PIBF1: variants seen among roughly 807,000 people sequenced by gnomAD.
PIBF1 encodes progesterone-induced-blocking factor 1.
A neutral mutation model predicts 112.5 loss-of-function variants in PIBF1; 90 were observed. The observed-to-expected ratio is 0.80, with a 90% CI of 0.67 to 0.95. PIBF1 has a LOEUF of 0.95. Ranked by LOEUF, PIBF1 falls within the 40% of genes least tolerant of loss-of-function variation. The pLI is 0.00. For missense variants in PIBF1, 915 were observed against 852.3 expected (o/e 1.07, Z -0.92); for synonymous variants, 301 against 288.6 (o/e 1.04, Z -0.44).
chr13:72,921,361 C>A (rs991553245), intron 13 of PIBF1, among the ~76,000 whole-genome samples: 3 of 152,142 alleles, frequency 2.0e-5, no homozygotes, highest in Non-Finnish European at 4.4e-5. Context: ...AATCTGCCCA[C>A]CACGGCCTCC....
intron 10 of PIBF1, among the ~76,000 whole-genome samples, chr13:72,881,781 G>A (rs7339093): frequency 0.022 from 3,286 of 151,504 alleles, 132 homozygotes; most frequent in African/African-American, 0.075. Context: ...GCAAGAAATT[G>A]AGGAGAACAT....
intron 10 of PIBF1, among the ~76,000 whole-genome samples, chr13:72,868,313 G>GA (rs76699229): frequency 0.39 from 48,563 of 124,770 alleles, 7,847 homozygotes; most frequent in Middle Eastern, 0.42. Flanking sequence ...TATTAAAAAA[G>GA]AAAAAAAAAA....
chr13:72,860,979 A>C (rs958633599), intron 10 of PIBF1, among the ~76,000 whole-genome samples: 13 of 152,294 alleles, frequency 8.5e-5, no homozygotes, highest in Admixed American at 7.8e-4. Flanking sequence ...AAAAAGTAGA[A>C]ATTTTAAAAT....
chr13:72,798,098 A>G lies in PIBF1; in HGVS notation c.672+72A>G, dbSNP rs2035285301. 3.4e-6 allele frequency: 5 copies of G among 1,468,400 alleles called. No individual in the cohort carries two copies. The South Asian group carries it at 7.3e-5, about 22-fold the overall frequency. The allele number at this position is 1,468,400 out of a possible 1,614,324, so 91.0% of individuals were successfully genotyped here. On this transcript the variant is annotated intron_variant, in intron 5 of 17. Coordinates refer to ENST00000326291, the MANE Select transcript of PIBF1 (RefSeq NM_006346.4). ...TGTAGAGTCCCTCAGGATTTGTGAT[A>G]AGGCATATAAAAGTCAGTGATTGAA...
chr13:72,794,400 A>G (rs1287362095), intron 3 of PIBF1, among the ~76,000 whole-genome samples: 4 of 152,120 alleles, frequency 2.6e-5, no homozygotes, highest in Non-Finnish European at 4.4e-5. Flanking sequence ...CATTTGTTGT[A>G]AGATTGAAAT....
intron 10 of PIBF1, among the ~76,000 whole-genome samples, chr13:72,885,231 A>G (rs934929077): frequency 3.3e-5 from 5 of 152,068 alleles, no homozygotes; most frequent in African/African-American, 1.2e-4. Flanking sequence ...TGTAGTTTGG[A>G]CATACCTAAC....
At chr13:72,978,697 A>G (rs757929786) in intron 16 of PIBF1, among the ~76,000 whole-genome samples, 30 of 152,160 alleles carry the variant, frequency 2.0e-4, no homozygotes, top group Admixed American at 4.6e-4. Flanking sequence ...TGTTTCCTTC[A>G]GGTGGGTTGT....
intron 2 of PIBF1, among the ~76,000 whole-genome samples, chr13:72,786,655 T>C (rs59786042): frequency 0.014 from 2,130 of 152,276 alleles, 65 homozygotes; most frequent in African/African-American, 0.047. Flanking sequence ...GCATTAGACA[T>C]TTCTCTTCTG....
intron 17 of PIBF1, among the ~76,000 whole-genome samples, chr13:73,013,686 A>G (rs1409389810): frequency 6.7e-6 from 1 of 148,502 alleles, no homozygotes; most frequent in Non-Finnish European, 1.5e-5. Flanking sequence ...ACAGTTAGCC[A>G]TGATCATACC....
chr13:72,970,725 AT>A (rs1439145779), intron 15 of PIBF1: 1 of 152,206 alleles, frequency 6.6e-6, no homozygotes, highest in Non-Finnish European at 1.5e-5. Context: ...TTCCACTGTT[AT>A]GAAATATGTC....
chr13:72,957,955 CA>C (rs1268617695), intron 14 of PIBF1, among the ~76,000 whole-genome samples: 3 of 150,530 alleles, frequency 2.0e-5, no homozygotes, highest in East Asian at 2.0e-4. Context: ...CTATCTCGGG[CA>C]GGGGGGAAAG....
chr13:72,947,559 A>G (rs1306126102), intron 14 of PIBF1, among the ~76,000 whole-genome samples: 1 of 152,138 alleles, frequency 6.6e-6, no homozygotes, highest in Non-Finnish European at 1.5e-5. Flanking sequence ...CTTTTCTATC[A>G]TATTGGCAGG....
chr13:72,822,057 C>A, intron 6 of PIBF1, 75 bp downstream of exon 6: 1 of 1,313,404 alleles, frequency 7.6e-7, no homozygotes, highest in Non-Finnish European at 1.0e-6. Flanking sequence ...TTTTTACCAA[C>A]AATCAGTTGT....
Position 72,819,188 on chromosome 13 carries a change from A to G in PIBF1, c.673-2661A>G, listed in dbSNP as rs534811550. ...TAAATTTGTGAAGCCGTAGGGTAAGATTAGGCTGTGGCCTGTAGCAAATTG... is the reference window on the plus strand; with the variant it reads ...TAAATTTGTGAAGCCGTAGGGTAAGGTTAGGCTGTGGCCTGTAGCAAATTG... On this transcript the variant is annotated intron_variant, in intron 5 of 17. Coordinates refer to ENST00000326291, the MANE Select transcript of PIBF1 (RefSeq NM_006346.4). 2.6e-5 allele frequency among the ~76,000 whole-genome samples: 4 copies of G among 152,224 alleles called. No individual in the cohort carries two copies. The South Asian group carries it at 8.3e-4, about 32-fold the overall frequency.
chr13:72,792,168 T>G (rs545734388), intron 2 of PIBF1, among the ~76,000 whole-genome samples: 7 of 151,888 alleles, frequency 4.6e-5, no homozygotes, highest in African/African-American at 1.7e-4. Flanking sequence ...TGGTGGCACT[T>G]GGCTGTAATC....
chr13:72,863,086 A>G lies in PIBF1; in HGVS notation c.1322+8931A>G, dbSNP rs551405498. Among the ~76,000 whole-genome samples, 150 of 152,328 alleles carry G rather than the reference A, an allele frequency of 9.8e-4. 1 individual carries two copies. Among genetic ancestry groups the G allele is most frequent in the African/African-American group, 3.5e-3 (146 of 41,590 alleles). On this transcript the variant is annotated intron_variant, in intron 10 of 17. Transcript: ENST00000326291. ...AATCAATAGTTTTATGAAGAAATACATGTTTTAATATATAATTTAAAACTA... is the reference window on the plus strand; with the variant it reads ...AATCAATAGTTTTATGAAGAAATACGTGTTTTAATATATAATTTAAAACTA...
In PIBF1 at chr13:72,795,444, G is replaced by A. The variant is rs757926781; in HGVS notation, c.439G>A (p.Glu147Lys). Residue 147 changes from glutamate to lysine, a missense_variant, in exon 4 of 18, where the codon GAA becomes AAA. Glu to Lys is a moderately conservative substitution (Grantham distance 56). Coordinates refer to ENST00000326291, the MANE Select transcript of PIBF1 (RefSeq NM_006346.4). ...AGAAGAGACAAATCTTCAGCTAAGA[G>A]AAAAAGCTGGAGATGTTCGTCGAAA... ...QLEETNLQLREKAGDVRRNLR... is the reference protein window; with the variant it reads ...QLEETNLQLRKKAGDVRRNLR... The A allele has an allele frequency of 6.2e-7, 1 of 1,609,426 alleles. No individual in the cohort carries two copies. The highest frequency in any genetic ancestry group is 8.5e-7 in the Non-Finnish European group (1 of 1,177,570).
chr13:72,900,496 G>A (rs1429874312), intron 11 of PIBF1, among the ~76,000 whole-genome samples: 6 of 152,126 alleles, frequency 3.9e-5, no homozygotes, highest in Admixed American at 2.0e-4. Flanking sequence ...AAACAAAGTG[G>A]GGAAAGGACA....
In PIBF1 at chr13:72,908,557, C is replaced by T; in HGVS notation, c.1515C>T (p.Leu505=). The T allele has an allele frequency of 6.2e-7, 1 of 1,612,216 alleles. No homozygotes were observed. Among genetic ancestry groups the T allele is most frequent in the Non-Finnish European group, 8.5e-7 (1 of 1,178,906 alleles). The change falls in exon 12 of 18, where the codon CTC becomes CTT. Residue 505 remains leucine (L), a synonymous_variant. Transcript: ENST00000326291. ...TTTTAACCAAAGAATTTTATAGTCT[C>T]CAAGCCTCTTCTGAAAAACGCATTA... ...LEVLTKEFYS[L]QASSEKRITE...
Sources: allele counts gnomAD v4.1 joint callset (sites outside exome capture counted in the v4.1 genomes callset), GRCh38; gene constraint gnomAD v4.1.1; transcripts MANE v1.5; gene names NCBI Gene and HGNC (gene_info 2026-07-23, HGNC 2026-07-21).